Variants in CFDP1 observed in about 807,000 individuals in gnomAD.
CFDP1 encodes heterochromatin-stabilizing protein CFDP1.
Under a neutral mutation model 40.1 loss-of-function variants are expected in CFDP1, and 31 were observed. The ratio of observed to expected loss-of-function variants is 0.77; its 90% CI spans 0.58 to 1.04. The LOEUF is 1.04. Ranked by LOEUF, CFDP1 falls within the 50% of genes least tolerant of loss-of-function variation. The probability of loss-of-function intolerance (pLI) is 0.00; values close to 1 mark genes in which losing one functional copy is unlikely to be tolerated. For synonymous variants in CFDP1, 167 were observed against 120.0 expected (o/e 1.39, Z -2.56); for missense variants, 423 against 343.4 (o/e 1.23, Z -1.83).
intron 5 of CFDP1, among the ~76,000 whole-genome samples, chr16:75,352,501 T>C (rs564727470): frequency 2.3e-4 from 35 of 152,338 alleles, no homozygotes; most frequent in Admixed American, 1.0e-3. Context: ...ATGATAAAAT[T>C]AGACTGCCAT....
intron 5 of CFDP1, among the ~76,000 whole-genome samples, chr16:75,328,635 G>T (rs1453857985): frequency 6.8e-6 from 1 of 147,300 alleles, no homozygotes; most frequent in Non-Finnish European, 1.5e-5. Flanking sequence ...TAGAGTGGAG[G>T]AAGTCAATAA....
At chr16:75,299,869 G>A (rs1281469304) in intron 6 of CFDP1, among the ~76,000 whole-genome samples, 3 of 152,124 alleles carry the variant, frequency 2.0e-5, no homozygotes, top group African/African-American at 7.2e-5. Flanking sequence ...TTGGGTGGGG[G>A]TACTCTAGAG....
At chr16:75,341,352 G>A (rs1355917600) in intron 5 of CFDP1, among the ~76,000 whole-genome samples, 1 of 152,168 alleles carries the variant, frequency 6.6e-6, no homozygotes, top group Non-Finnish European at 1.5e-5. Context: ...GGGATTCAAA[G>A]TTATTAATAA....
intron 4 of CFDP1, among the ~76,000 whole-genome samples, chr16:75,399,824 G>C (rs959232578): frequency 6.6e-6 from 1 of 152,046 alleles, no homozygotes; most frequent in African/African-American, 2.4e-5. Flanking sequence ...AAAATCGGCT[G>C]GGCGTGGTGG....
intron 4 of CFDP1, among the ~76,000 whole-genome samples, chr16:75,409,034 T>C (rs1439443188): frequency 6.6e-6 from 1 of 151,828 alleles, no homozygotes; most frequent in Non-Finnish European, 1.5e-5. Context: ...ATTTTTTTTA[T>C]TTTTAGTAGA....
intron 5 of CFDP1, among the ~76,000 whole-genome samples, chr16:75,370,743 TC>T (rs1368490783): frequency 6.6e-6 from 1 of 152,028 alleles, no homozygotes; most frequent in Non-Finnish European, 1.5e-5. Flanking sequence ...GTGCCTGTAA[TC>T]CCAGCTACTT....
chr16:75,301,137 A>G (rs2078218683), intron 6 of CFDP1, among the ~76,000 whole-genome samples: 1 of 152,174 alleles, frequency 6.6e-6, no homozygotes, highest in African/African-American at 2.4e-5. Flanking sequence ...AAGGGAGAAG[A>G]CTGCTATTGA....
chr16:75,314,510 T>C (rs565008928), intron 5 of CFDP1, among the ~76,000 whole-genome samples: 5 of 152,252 alleles, frequency 3.3e-5, no homozygotes, highest in Admixed American at 1.3e-4. Flanking sequence ...TGACAGCTAA[T>C]GACAGATAAA....
At chr16:75,368,701 A>G (rs1262851912) in intron 5 of CFDP1, among the ~76,000 whole-genome samples, 1 of 148,962 alleles carries the variant, frequency 6.7e-6, no homozygotes, top group Non-Finnish European at 1.5e-5. Context: ...TTTTTTTTTT[A>G]GACAGGGTCT....
intron 5 of CFDP1, among the ~76,000 whole-genome samples, chr16:75,371,365 A>C (rs2078750067): frequency 6.6e-6 from 1 of 152,186 alleles, no homozygotes; most frequent in African/African-American, 2.4e-5. Flanking sequence ...CTCTCTCTAA[A>C]GATGATTAAA....
intron 5 of CFDP1, among the ~76,000 whole-genome samples, chr16:75,308,360 C>T (rs2078272118): frequency 6.6e-6 from 1 of 152,172 alleles, no homozygotes; most frequent in Non-Finnish European, 1.5e-5. Flanking sequence ...CACCTGCTTC[C>T]TGGGATCACT....
chr16:75,407,026 A>G (rs1228682267), intron 4 of CFDP1, among the ~76,000 whole-genome samples: 1 of 152,178 alleles, frequency 6.6e-6, no homozygotes, highest in Non-Finnish European at 1.5e-5. Context: ...CAAATAAACA[A>G]ATAAACAAGC....
chr16:75,417,418 A>G (rs1270511990), intron 1 of CFDP1, among the ~76,000 whole-genome samples: 3 of 152,194 alleles, frequency 2.0e-5, no homozygotes, highest in African/African-American at 4.8e-5. Context: ...ATTTCTATGT[A>G]TTTACCTCCA....
rs1042627775 is a variant in CFDP1 at position 75,299,106 on chromosome 16, G to T, written c.810-5064C>A. ...AATCTGTGTAATGGGTTACAGGACT[G>T]CAGGGCTGATCCTGGAATGCTGTAC... On this transcript the variant is annotated intron_variant, in intron 6 of 6. Coordinates refer to ENST00000283882, the MANE Select transcript of CFDP1 (RefSeq NM_006324.3). Among the ~76,000 whole-genome samples, 4 of 152,120 alleles carry T rather than the reference G, an allele frequency of 2.6e-5. No individual in the cohort carries two copies. In the South Asian group the frequency reaches 8.3e-4, roughly 32 times the overall value.
At chr16:75,417,109 T>TA (rs1234880880) in intron 1 of CFDP1, among the ~76,000 whole-genome samples, 10 of 152,062 alleles carry the variant, frequency 6.6e-5, no homozygotes, top group African/African-American at 2.4e-4. Context: ...AGGTCAAGGC[T>TA]GAAGTGAGCC....
At chr16:75,414,504 T>C (rs1485306323) in intron 2 of CFDP1, 74 bp downstream of exon 2, 4 of 875,108 alleles carry the variant, frequency 4.6e-6, no homozygotes, top group Admixed American at 3.9e-5. Flanking sequence ...AAATCTATCA[T>C]GAGACCAATC....
rs1751686581 is a variant in CFDP1, at chr16:75,374,180, G to A, written c.650+20910C>T. Among the ~76,000 whole-genome samples the A allele has an allele frequency of 2.0e-5, 3 of 152,122 alleles. No homozygotes were observed. The South Asian group carries it at 6.2e-4, about 32-fold the overall frequency. ...AGACATGAGAATCACTTGAACCCTG[G>A]AGGTGGAGGTTGCAATGAACCGAGA... is the stretch of plus-strand genomic sequence containing the variant. On this transcript the variant is annotated intron_variant, in intron 5 of 6. Transcript: ENST00000283882.
chr16:75,381,638 C>T (rs1398832374), intron 5 of CFDP1, among the ~76,000 whole-genome samples: 2 of 152,160 alleles, frequency 1.3e-5, no homozygotes, highest in Non-Finnish European at 2.9e-5. Context: ...GGTTCTCTCT[C>T]TTTGGCAAGC....
intron 1 of CFDP1, among the ~76,000 whole-genome samples, chr16:75,424,359 GGGTT>G (rs1323746003): frequency 6.6e-6 from 1 of 152,196 alleles, no homozygotes; most frequent in Non-Finnish European, 1.5e-5. Flanking sequence ...CAATGCTAAA[GGGTT>G]TAAACGGCAG....
Sources: allele counts gnomAD v4.1 joint callset (sites outside exome capture counted in the v4.1 genomes callset), GRCh38; gene constraint gnomAD v4.1.1; transcripts MANE v1.5; gene names NCBI Gene and HGNC (gene_info 2026-07-23, HGNC 2026-07-21).